The following DECR1 variants were observed in gnomAD, a reference collection of about 807,000 sequenced individuals.
DECR1 encodes 2,4-dienoyl-CoA reductase 1.
DECR1 carries 44 observed loss-of-function variants against 38.8 expected under a neutral mutation model. The observed-to-expected ratio is 1.13, with a 90% CI of 0.89 to 1.46. The LOEUF is 1.46. Ranked by LOEUF, DECR1 falls within the 40% of genes most tolerant of loss-of-function variation. DECR1 has a pLI of 0.00. For synonymous variants in DECR1, 148 were observed against 135.2 expected (o/e 1.09, Z -0.66); for missense variants, 428 against 405.5 (o/e 1.06, Z -0.48).
In DECR1 at chr8:90,044,973, A is replaced by C. The variant is rs181636748; in HGVS notation, c.863A>C (p.Tyr288Ser). The C allele has an allele frequency of 6.2e-7, 1 of 1,613,918 alleles. No homozygotes were observed. Among genetic ancestry groups the C allele is most frequent in the East Asian group, 2.2e-5 (1 of 44,860 alleles). ...ANLAAFLCSD[Y>S]ASWINGAVIK... ...CTTGCTGCTTTCCTTTGTAGTGATT[A>C]TGCTTCTTGGATTAATGGAGCAGTA... The change falls in exon 8 of 10, where the codon TAT becomes TCT. Residue 288 changes from tyrosine (Y) to serine (S), a missense_variant. Transcript: ENST00000220764.
intron 1 of DECR1, chr8:90,015,439 T>C (rs1348774805): frequency 3.2e-6 from 1 of 310,736 alleles, no homozygotes. Context: ...AGTCTTTTTT[T>C]CTAAGCATAT....
chr8:90,003,558 G>A (rs1812667750), intron 1 of DECR1, among the ~76,000 whole-genome samples: 1 of 152,188 alleles, frequency 6.6e-6, no homozygotes, highest in Non-Finnish European at 1.5e-5. Context: ...TACCTATTAA[G>A]TATTGGGCAT....
chr8:90,019,257 GA>G, intron 4 of DECR1, 85 bp downstream of exon 4: 1 of 1,156,256 alleles, frequency 8.6e-7, no homozygotes, highest in Non-Finnish European at 1.3e-6. Context: ...ATAAAATATT[GA>G]TACTGATGTA....
At chr8:90,001,789 G>A (rs1292516120) in intron 1 of DECR1, among the ~76,000 whole-genome samples, 1 of 151,712 alleles carries the variant, frequency 6.6e-6, no homozygotes, top group Non-Finnish European at 1.5e-5. Flanking sequence ...AGGGTGTCCC[G>A]GGGCTCAAAG....
chr8:90,039,006 A>G (rs1349691215), intron 6 of DECR1, among the ~76,000 whole-genome samples: 2 of 152,176 alleles, frequency 1.3e-5, no homozygotes, highest in Non-Finnish European at 2.9e-5. Flanking sequence ...ATGTCCTTTA[A>G]GAACTGATTT....
intron 6 of DECR1, among the ~76,000 whole-genome samples, chr8:90,040,838 G>A (rs1813744043): frequency 6.6e-6 from 1 of 152,178 alleles, no homozygotes; most frequent in Admixed American, 6.6e-5. Flanking sequence ...ATTCCATGGT[G>A]TATATGTGCC....
At chr8:90,003,171 G>T (rs900921489) in intron 1 of DECR1, 1 of 152,198 alleles carries the variant, frequency 6.6e-6, no homozygotes, top group Non-Finnish European at 1.5e-5. Context: ...ATTCCTGGGA[G>T]AAGAAAAGTC....
At chr8:90,025,371 A>G (rs1586150054) in intron 5 of DECR1, among the ~76,000 whole-genome samples, 1 of 152,146 alleles carries the variant, frequency 6.6e-6, no homozygotes, top group Non-Finnish European at 1.5e-5. Context: ...ATGTTCTTCC[A>G]TTTGTTTGTG....
At chr8:90,016,397 G>C (rs1355998170) in intron 1 of DECR1, among the ~76,000 whole-genome samples, 1 of 152,100 alleles carries the variant, frequency 6.6e-6, no homozygotes, top group Non-Finnish European at 1.5e-5. Flanking sequence ...AGCTCTTTGG[G>C]AGGCCGAGGT....
At chr8:90,022,282 A>C (rs915188806) in intron 5 of DECR1, among the ~76,000 whole-genome samples, 1 of 152,172 alleles carries the variant, frequency 6.6e-6, no homozygotes, top group East Asian at 1.9e-4. Flanking sequence ...TGTGCAGCGC[A>C]GGTGATCCTA....
chr8:90,017,135 T>G lies in DECR1; in HGVS notation c.81T>G (p.Tyr27Ter), dbSNP rs757371248. Reference protein sequence around the residue: ...CGLAPRRFFSYGTKILYQNTE... With the variant: ...CGLAPRRFFS The stretch of plus-strand genomic sequence containing the variant: ...TTTTCCCCTTTTAGTTTTTCAGTTA[T>G]GGGACAAAAATATTATATCAAAACA... The change falls in exon 2 of 10, where the codon TAT becomes TAG. Residue 27 changes from tyrosine (Y) to a stop codon, truncating the protein, a stop_gained. Coordinates refer to ENST00000220764, the MANE Select transcript of DECR1 (RefSeq NM_001359.2). LOFTEE classifies it high-confidence loss of function. The G allele has an allele frequency of 1.2e-6, 2 of 1,612,478 alleles. No individual in the cohort carries two copies. Among genetic ancestry groups the G allele is most frequent in the African/African-American group, 2.7e-5 (2 of 74,968 alleles).
chr8:90,026,696 G>T (rs896147746), intron 5 of DECR1, among the ~76,000 whole-genome samples: 1 of 151,984 alleles, frequency 6.6e-6, no homozygotes, highest in African/African-American at 2.4e-5. Context: ...TTGATTTTTT[G>T]AAGGGTTTTT....
intron 4 of DECR1, among the ~76,000 whole-genome samples, chr8:90,019,747 C>T (rs1813104520): frequency 6.6e-6 from 1 of 152,174 alleles, no homozygotes; most frequent in African/African-American, 2.4e-5. Flanking sequence ...TCAATATGAG[C>T]AAGTGCTGTG....
intron 1 of DECR1, among the ~76,000 whole-genome samples, chr8:90,007,689 C>T (rs1163148808): frequency 6.6e-6 from 1 of 152,204 alleles, no homozygotes; most frequent in Non-Finnish European, 1.5e-5. Flanking sequence ...TCTCAGATAT[C>T]TCCCAAAGGT....
intron 5 of DECR1, among the ~76,000 whole-genome samples, chr8:90,026,827 T>A (rs1181886826): frequency 6.6e-6 from 1 of 152,256 alleles, no homozygotes; most frequent in Non-Finnish European, 1.5e-5. Context: ...GTGCCCATTT[T>A]AGATCTTCCC....
intron 1 of DECR1, among the ~76,000 whole-genome samples, chr8:90,011,656 G>C (rs1432080098): frequency 6.6e-6 from 1 of 152,036 alleles, no homozygotes; most frequent in Admixed American, 6.5e-5. Context: ...TATAAGTCTT[G>C]TACTTCTTTT....
At chr8:90,045,229 G>T (rs1050186059) in intron 8 of DECR1, 2 of 233,596 alleles carry the variant, frequency 8.6e-6, no homozygotes, top group East Asian at 2.0e-4. Context: ...AATTTATAAA[G>T]AAAAGAGGTT....
chr8:90,003,615 A>G (rs181190500), intron 1 of DECR1, among the ~76,000 whole-genome samples: 6 of 152,334 alleles, frequency 3.9e-5, no homozygotes, highest in East Asian at 1.9e-4. Flanking sequence ...TCAATGTACT[A>G]TAGTCTCATA....
Position 90,032,565 on chromosome 8 carries a change from T to TAGG in DECR1, c.566-4275_566-4273dup, listed in dbSNP as rs1813523287. Among the ~76,000 whole-genome samples, 3 of 152,288 alleles carry TAGG rather than the reference T, an allele frequency of 2.0e-5. No individual in the cohort carries two copies. In the East Asian group the frequency reaches 5.8e-4, roughly 29 times the overall value. ...AATAAGAAATTCAGTTCTTAGGAAT[T>TAGG]AGGGCATGGGATCTTTAAGTGGGGC... On this transcript the variant is annotated intron_variant, in intron 5 of 9. Coordinates refer to ENST00000220764, the MANE Select transcript of DECR1 (RefSeq NM_001359.2).
Sources: gnomAD v4.1 joint callset for allele counts (sites outside exome capture counted in the v4.1 genomes callset) on GRCh38, gnomAD v4.1.1 for gene constraint, MANE v1.5 for transcripts, NCBI Gene and HGNC (gene_info 2026-07-23, HGNC 2026-07-21) for gene names.